The following ATRNL1 variants were observed in gnomAD, a reference collection of about 807,000 sequenced individuals.
The protein encoded by ATRNL1 is attractin-like protein 1.
Under a neutral mutation model 182.7 loss-of-function variants are expected in ATRNL1, and 95 were observed. The ratio of observed to expected loss-of-function variants is 0.52; its 90% CI spans 0.44 to 0.62. ATRNL1 has a LOEUF of 0.62. ATRNL1 is among the 20% of genes least tolerant of loss of function. The pLI, the probability that ATRNL1 is intolerant of heterozygous loss-of-function variation, is 0.00. For missense variants in ATRNL1, 1,471 were observed against 1,679.5 expected, an observed-to-expected ratio of 0.88 and a Z score of 2.17; for synonymous variants, 576 against 568.3, an observed-to-expected ratio of 1.01 and a Z score of -0.19.
intron 5 of ATRNL1, among the ~76,000 whole-genome samples, chr10:115,136,043 T>G (rs546446347): frequency 6.6e-6 from 1 of 151,810 alleles, no homozygotes; most frequent in Non-Finnish European, 1.5e-5. Context: ...TGTTTTTTTT[T>G]TTTAGAGATG....
At chr10:115,920,203 G>A (rs1467815403) in intron 28 of ATRNL1, among the ~76,000 whole-genome samples, 1 of 152,124 alleles carries the variant, frequency 6.6e-6, no homozygotes, top group Non-Finnish European at 1.5e-5. Flanking sequence ...TAGACTCGTG[G>A]TTTTGTAAAC....
intron 10 of ATRNL1, among the ~76,000 whole-genome samples, chr10:115,254,559 G>A (rs2133851827): frequency 6.6e-6 from 1 of 152,100 alleles, no homozygotes; most frequent in Non-Finnish European, 1.5e-5. Context: ...TGGGTAGATT[G>A]CAAAAATTTT....
At chr10:115,203,786 A>C in intron 8 of ATRNL1, among the ~76,000 whole-genome samples, 1 of 129,942 alleles carries the variant, frequency 7.7e-6, no homozygotes, top group Non-Finnish European at 1.6e-5. Flanking sequence ...TAGTAGAGAC[A>C]GGGTTTCACT....
chr10:115,597,783 C>T (rs1856347940), intron 26 of ATRNL1: 1 of 374,918 alleles, frequency 2.7e-6, no homozygotes, highest in African/African-American at 2.1e-5. Context: ...GATCTGCCCA[C>T]CTCGGCCTCC....
chr10:115,908,405 C>T (rs1304870909), intron 28 of ATRNL1, among the ~76,000 whole-genome samples: 1 of 152,062 alleles, frequency 6.6e-6, no homozygotes, highest in African/African-American at 2.4e-5. Flanking sequence ...AGTTCATGCC[C>T]ACCTTCCTGC....
At chr10:115,870,637 C>T (rs534890452) in intron 28 of ATRNL1, among the ~76,000 whole-genome samples, 1 of 152,272 alleles carries the variant, frequency 6.6e-6, no homozygotes, top group Admixed American at 6.5e-5. Context: ...CCTAACCAAT[C>T]CATCTTGACA....
chr10:115,656,379 C>T (rs868931584), intron 26 of ATRNL1, among the ~76,000 whole-genome samples: 2 of 152,146 alleles, frequency 1.3e-5, no homozygotes, highest in South Asian at 2.1e-4. Context: ...AGAGTTTGCA[C>T]ATTCTCCCCA....
chr10:115,389,538 GTGTATATATATATATATATATATA>G (rs1375067982), intron 19 of ATRNL1, among the ~76,000 whole-genome samples: 4 of 51,414 alleles, frequency 7.8e-5, no homozygotes, highest in East Asian at 5.7e-4. Flanking sequence ...AAATGTGTAT[GTGTATATATATATATATATATATA>G]TATATATATA....
intron 25 of ATRNL1, among the ~76,000 whole-genome samples, chr10:115,527,914 T>TCCTC (rs782168097): frequency 0.41 from 27,762 of 68,254 alleles, 7,481 homozygotes; most frequent in Non-Finnish European, 0.52. Context: ...CTTCCTTCCT[T>TCCTC]CCTCCCTTCC....
chr10:115,706,597 A>G (rs542811986), intron 26 of ATRNL1, among the ~76,000 whole-genome samples: 7 of 151,858 alleles, frequency 4.6e-5, no homozygotes, highest in Non-Finnish European at 7.4e-5. Flanking sequence ...GTTGTCTTCC[A>G]TTTTTACACC....
Position 115,454,421 on chromosome 10 carries a change from CT to C in ATRNL1, c.3323-7517del, listed in dbSNP as rs567469755. Reference sequence around the variant, plus strand: ...TCCATATGAATTTTAGGAGTTTTTTCTTTCTATTTATGTAAAAAAAGGCACT... The same window carrying C: ...TCCATATGAATTTTAGGAGTTTTTTCTTCTATTTATGTAAAAAAAGGCACT... On this transcript the variant is annotated intron_variant, in intron 21 of 28. Transcript: ENST00000355044. 4.8e-3 allele frequency among the ~76,000 whole-genome samples: 734 copies of C among 151,572 alleles called. 5 individuals carry two copies. The highest frequency in any genetic ancestry group is 8.2e-3 in the Non-Finnish European group (559 of 67,864).
intron 25 of ATRNL1, among the ~76,000 whole-genome samples, chr10:115,534,674 G>A (rs961012496): frequency 1.3e-5 from 2 of 151,852 alleles, no homozygotes; most frequent in Admixed American, 6.6e-5. Context: ...TATTTTGCTG[G>A]TTAGTTGATG....
intron 19 of ATRNL1, among the ~76,000 whole-genome samples, chr10:115,374,982 G>T (rs782505622): frequency 2.0e-5 from 3 of 150,842 alleles, no homozygotes; most frequent in Non-Finnish European, 4.4e-5. Context: ...TGTCTTTTAG[G>T]TTCATTGATA....
intron 21 of ATRNL1, among the ~76,000 whole-genome samples, chr10:115,461,697 A>G (rs1847803822): frequency 6.6e-6 from 1 of 152,058 alleles, no homozygotes; most frequent in Non-Finnish European, 1.5e-5. Context: ...ATAATGTTTT[A>G]ACTTTGTAAT....
At chr10:115,497,390 A>G (rs975696852) in intron 24 of ATRNL1, among the ~76,000 whole-genome samples, 1 of 152,200 alleles carries the variant, frequency 6.6e-6, no homozygotes, top group Non-Finnish European at 1.5e-5. Context: ...ATGTGAGTCC[A>G]TGGGGACTAT....
Position 115,233,588 on chromosome 10 carries a change from A to G in ATRNL1, c.1533-7983A>G, listed in dbSNP as rs116817526. On this transcript the variant is annotated intron_variant, in intron 9 of 28. Transcript: ENST00000355044. ...AATAGAAGTGTGATAACAGGCATCT[A>G]TTTTATTCCTGAGCTTTTAAAAAAT... 2.0e-3 allele frequency among the ~76,000 whole-genome samples: 312 copies of G among 152,220 alleles called. 1 individual carries two copies. Among genetic ancestry groups the G allele is most frequent in the African/African-American group, 7.1e-3 (297 of 41,554 alleles).
At chr10:115,662,293 T>A (rs10160073) in intron 26 of ATRNL1, among the ~76,000 whole-genome samples, 1,766 of 151,414 alleles carry the variant, frequency 0.012, 36 homozygotes, top group African/African-American at 0.041. Context: ...ATGGTGATCA[T>A]TAAAAAGTCA....
At chr10:115,559,881 TAGTC>T (rs1351351620) in intron 26 of ATRNL1, among the ~76,000 whole-genome samples, 1 of 152,166 alleles carries the variant, frequency 6.6e-6, no homozygotes, top group Admixed American at 6.5e-5. Context: ...CTGTATATAG[TAGTC>T]AGAGCAGTTA....
chr10:115,211,464 T>A (rs975078413), intron 8 of ATRNL1, among the ~76,000 whole-genome samples: 2 of 151,904 alleles, frequency 1.3e-5, no homozygotes, highest in African/African-American at 4.8e-5. Flanking sequence ...GCTTTCAAGG[T>A]TTTTTTCCTT....
Sources: gnomAD v4.1 joint callset for allele counts (sites outside exome capture counted in the v4.1 genomes callset) on GRCh38, gnomAD v4.1.1 for gene constraint, MANE v1.5 for transcripts, NCBI Gene and HGNC (gene_info 2026-07-23, HGNC 2026-07-21) for gene names.